PTPDC1: variants seen among roughly 807,000 people sequenced by gnomAD.
PTPDC1 encodes protein tyrosine phosphatase domain-containing protein 1.
In PTPDC1, 53 loss-of-function variants were observed where a neutral mutation model predicts 75.3. The ratio of observed to expected loss-of-function variants is 0.70; its 90% CI spans 0.56 to 0.88. PTPDC1 has a LOEUF of 0.88. Among genes scored for constraint, PTPDC1 ranks in the 40% least tolerant of loss-of-function variants. The pLI, the probability that PTPDC1 is intolerant of heterozygous loss-of-function variation, is 0.00. For synonymous variants in PTPDC1, 349 were observed against 366.2 expected (o/e 0.95, Z 0.54); for missense variants, 925 against 998.6 (o/e 0.93, Z 0.99).
intron 4 of PTPDC1, among the ~76,000 whole-genome samples, chr9:94,092,214 G>A (rs1386212275): frequency 6.7e-6 from 1 of 148,744 alleles, no homozygotes; most frequent in Non-Finnish European, 1.5e-5. Context: ...TTCTCTTGTG[G>A]GCATTTAGTG....
intron 1 of PTPDC1, among the ~76,000 whole-genome samples, chr9:94,042,785 A>T (rs976545306): frequency 6.6e-6 from 1 of 152,206 alleles, no homozygotes; most frequent in East Asian, 1.9e-4. Context: ...CTTTGCCCAC[A>T]GTGGAACTTC....
intron 8 of PTPDC1, among the ~76,000 whole-genome samples, chr9:94,107,371 G>A (rs1245606119): frequency 9.2e-5 from 14 of 152,198 alleles, no homozygotes; most frequent in Non-Finnish European, 1.0e-4. Context: ...GAGAGGTTGG[G>A]TATGAGATGA....
intron 2 of PTPDC1, among the ~76,000 whole-genome samples, chr9:94,069,307 A>G (rs777277816): frequency 2.0e-5 from 3 of 152,162 alleles, no homozygotes; most frequent in Non-Finnish European, 4.4e-5. Flanking sequence ...TACCAAATCC[A>G]TGCATACTCA....
chr9:94,048,981 A>C (rs1268518606), intron 1 of PTPDC1, among the ~76,000 whole-genome samples: 1 of 151,530 alleles, frequency 6.6e-6, no homozygotes, highest in Non-Finnish European at 1.5e-5. Context: ...GTTTCTTTTG[A>C]TCTTTGTTGG....
chr9:94,108,857 GCT>G lies in PTPDC1; in HGVS notation c.*919_*920del, dbSNP rs905340426. 1.3e-5 allele frequency: 2 copies of G among 152,444 alleles called. No homozygotes were observed. Among genetic ancestry groups the G allele is most frequent in the African/African-American group, 4.8e-5 (2 of 41,580 alleles). 9.4% of individuals were successfully genotyped at this position (152,444 alleles called of 1,614,324 possible). On this transcript the variant is annotated 3_prime_UTR_variant, in exon 9 of 9. Coordinates refer to ENST00000620992, the MANE Select transcript of PTPDC1 (RefSeq NM_001253829.2). ...AGGGCAGGGGCTCTGTGCCAGCCCT[GCT>G]CTCTCAGATGCCACAGCCACTCTGC...
At chr9:94,031,411 G>A (rs1196490703) in intron 1 of PTPDC1, among the ~76,000 whole-genome samples, 1 of 151,788 alleles carries the variant, frequency 6.6e-6, no homozygotes, top group Non-Finnish European at 1.5e-5. Context: ...TGAATATCGG[G>A]ATTTTTATGT....
chr9:94,093,092 A>C (rs1009512990), intron 4 of PTPDC1, among the ~76,000 whole-genome samples: 1 of 152,032 alleles, frequency 6.6e-6, no homozygotes, highest in African/African-American at 2.4e-5. Flanking sequence ...ACATTTAAAG[A>C]TAATATTGTT....
chr9:94,040,032 C>T (rs1042137685), intron 1 of PTPDC1, among the ~76,000 whole-genome samples: 1 of 152,082 alleles, frequency 6.6e-6, no homozygotes, highest in African/African-American at 2.4e-5. Context: ...AAAGGAGGTA[C>T]TTATAAGTAG....
At position 94,085,325 on chromosome 9, in the gene PTPDC1, G is replaced by A; in HGVS notation, c.319G>A (p.Ala107Thr). Residue 107 changes from alanine (A) to threonine (T), a missense_variant, in exon 2 of 9, where the codon GCA (alanine) becomes ACA (threonine). Transcript: ENST00000620992. ...RLRHVIPGHM[A>T]CSMACGGRAC... Reference sequence around the variant, plus strand: ...ACGGCATGTCATTCCTGGACACATGGCATGTTCCATGGCGTGTGGCGGTAG... The same window carrying A: ...ACGGCATGTCATTCCTGGACACATGACATGTTCCATGGCGTGTGGCGGTAG... 6.2e-7 allele frequency: 1 copy of A among 1,614,168 alleles called. No homozygotes were observed. The highest frequency in any genetic ancestry group is 8.5e-7 in the Non-Finnish European group (1 of 1,179,978).
intron 1 of PTPDC1, among the ~76,000 whole-genome samples, chr9:94,053,506 T>C (rs1268217614): frequency 1.3e-5 from 2 of 152,166 alleles, no homozygotes; most frequent in African/African-American, 4.8e-5. Context: ...AAGAAAATAC[T>C]ACAGTGGTAT....
intron 1 of PTPDC1, among the ~76,000 whole-genome samples, chr9:94,037,045 A>G (rs959993540): frequency 1.3e-5 from 2 of 152,216 alleles, no homozygotes; most frequent in African/African-American, 4.8e-5. Flanking sequence ...GCATGGCCAA[A>G]TTTTATATGC....
chr9:94,074,406 T>C (rs1826611458), intron 2 of PTPDC1, among the ~76,000 whole-genome samples: 1 of 151,964 alleles, frequency 6.6e-6, no homozygotes, highest in Non-Finnish European at 1.5e-5. Context: ...ATCAGCAACA[T>C]GAGAAAAAAC....
chr9:94,045,257 G>C (rs1825559762), intron 1 of PTPDC1, among the ~76,000 whole-genome samples: 1 of 151,930 alleles, frequency 6.6e-6, no homozygotes, highest in South Asian at 2.1e-4. Context: ...TGGACATTTG[G>C]GTTGGTTCCA....
At chr9:94,083,468 A>C (rs1052275653), upstream of PTPDC1, among the ~76,000 whole-genome samples, 3 of 152,106 alleles carry the variant, frequency 2.0e-5, no homozygotes, top group Non-Finnish European at 2.9e-5. Context: ...AAAAAAAAAA[A>C]ATAGAAAATA....
At chr9:94,035,947 A>G (rs1187552890) in intron 1 of PTPDC1, among the ~76,000 whole-genome samples, 2 of 149,656 alleles carry the variant, frequency 1.3e-5, no homozygotes, top group Non-Finnish European at 3.0e-5. Flanking sequence ...TTTTTCATGT[A>G]CCTGTTGGCC....
intron 1 of PTPDC1, among the ~76,000 whole-genome samples, chr9:94,049,755 T>A (rs1403726710): frequency 1.3e-5 from 2 of 152,354 alleles, no homozygotes; most frequent in Non-Finnish European, 1.5e-5. Flanking sequence ...ATTTGAATGT[T>A]GGCCTGCCTT....
rs1037056545 is a variant in PTPDC1 at position 94,109,342 on chromosome 9, T to C, written c.*1398T>C. On this transcript the variant is annotated 3_prime_UTR_variant, in exon 9 of 9. Coordinates refer to ENST00000620992, the MANE Select transcript of PTPDC1 (RefSeq NM_001253829.2). The stretch of plus-strand genomic sequence containing the variant: ...ACTCATTTAGAACAAATGAAATTTC[T>C]CCAGTCCTACATTTCTGAATTGACT... 15 of 152,218 alleles carry C rather than the reference T, an allele frequency of 9.9e-5. No homozygotes were observed. The highest frequency in any genetic ancestry group is 3.1e-4 in the African/African-American group (13 of 41,450). The allele number at this position is 152,218 out of a possible 1,614,324, so 9.4% of individuals were successfully genotyped here. A position where few individuals can be genotyped will look rare whatever the true frequency, so the allele number is the denominator to read the frequency against.
At chr9:94,050,335 C>A (rs1825748808) in intron 1 of PTPDC1, among the ~76,000 whole-genome samples, 1 of 152,128 alleles carries the variant, frequency 6.6e-6, no homozygotes, top group Non-Finnish European at 1.5e-5. Flanking sequence ...TTTTCCCCAT[C>A]TTTGTGGTTT....
At chr9:94,043,549 C>G (rs559878877) in intron 1 of PTPDC1, among the ~76,000 whole-genome samples, 6 of 152,036 alleles carry the variant, frequency 3.9e-5, no homozygotes, top group African/African-American at 1.2e-4. Context: ...ATGACTCCCC[C>G]CCTCTACAAA....
Sources: allele counts gnomAD v4.1 joint callset (sites outside exome capture counted in the v4.1 genomes callset), GRCh38; gene constraint gnomAD v4.1.1; transcripts MANE v1.5; gene names NCBI Gene and HGNC (gene_info 2026-07-23, HGNC 2026-07-21).